TMSB15B: variants seen among roughly 807,000 people sequenced by gnomAD.
TMSB15B encodes the protein thymosin beta-15B.
chrX:103,950,185 G>C lies in TMSB15B; in HGVS notation c.-720-11836G>C, dbSNP rs182076186. ...GAATGTGTCCAAGAGAGAATGGGAG[G>C]AGGAAAATTGAGGACATTGAATAGA... On this transcript the variant is annotated intron_variant, in intron 1 of 3. Transcript: ENST00000419165. 1.7e-3 allele frequency among the ~76,000 whole-genome samples: 192 copies of C among 111,419 alleles called. 1 individual carries two copies. Among genetic ancestry groups the C allele is most frequent in the African/African-American group, 6.1e-3 (186 of 30,659 alleles).
chrX:103,954,529 C>T lies in TMSB15B; in HGVS notation c.-720-7492C>T, dbSNP rs147160695. ...CACAGCAACTCCCCACATCACTCTG[C>T]GGGCACCTGTCTACATGGGTGGGTT... On this transcript the variant is annotated intron_variant, in intron 1 of 3. Coordinates refer to the TMSB15B transcript ENST00000419165. Among the ~76,000 whole-genome samples the T allele has an allele frequency of 6.6e-3, 734 of 111,853 alleles. 9 individuals are homozygous for T. Among genetic ancestry groups the T allele is most frequent in the African/African-American group, 0.022 (691 of 30,775 alleles).
At chrX:103,921,220 G>A (rs1946244613) in intron 1 of TMSB15B, among the ~76,000 whole-genome samples, 1 of 111,964 alleles carries the variant, frequency 8.9e-6, no homozygotes, top group Admixed American at 9.5e-5. Context: ...AGTGGTGGTG[G>A]AAGGTGGAAA....
intron 1 of TMSB15B, chrX:103,928,735 G>T: frequency 8.5e-7 from 1 of 1,170,389 alleles, no homozygotes; most frequent in South Asian, 1.8e-5. Flanking sequence ...TTGGGTTCCT[G>T]CCTTGGTGTC....
At chrX:103,946,813 T>C (rs1247663895) in intron 1 of TMSB15B, among the ~76,000 whole-genome samples, 2 of 111,645 alleles carry the variant, frequency 1.8e-5, no homozygotes, top group Non-Finnish European at 3.8e-5. Flanking sequence ...AATCATGTCC[T>C]CAGAGTAGAT....
intron 1 of TMSB15B, chrX:103,928,844 G>A: frequency 1.7e-6 from 2 of 1,202,381 alleles, no homozygotes; most frequent in South Asian, 1.8e-5. Context: ...AACATGCCAA[G>A]CCTGTGGGCC....
At chrX:103,923,338 C>G (rs1556318192) in intron 1 of TMSB15B, among the ~76,000 whole-genome samples, 1 of 111,963 alleles carries the variant, frequency 8.9e-6, no homozygotes, top group Admixed American at 9.5e-5. Context: ...GGTTTTAGGT[C>G]TAAAATTTAA....
intron 1 of TMSB15B, among the ~76,000 whole-genome samples, chrX:103,934,618 G>T (rs1352380394): frequency 4.5e-5 from 5 of 111,200 alleles, no homozygotes; most frequent in Non-Finnish European, 7.5e-5. Context: ...GTATTAGTTT[G>T]CTGAGAATGA....
chrX:103,930,091 G>T (rs1556319665), intron 1 of TMSB15B, among the ~76,000 whole-genome samples: 1 of 110,871 alleles, frequency 9.0e-6, no homozygotes, highest in East Asian at 2.8e-4. Context: ...GTCATTCAGA[G>T]CCATTCAAAA....
chrX:103,924,689 C>A (rs1226478331), intron 1 of TMSB15B, among the ~76,000 whole-genome samples: 1 of 111,355 alleles, frequency 9.0e-6, no homozygotes, highest in Non-Finnish European at 1.9e-5. Flanking sequence ...GAGAGATGTC[C>A]CCAATGAACA....
intron 1 of TMSB15B, among the ~76,000 whole-genome samples, chrX:103,927,725 C>A (rs2074972653): frequency 9.5e-6 from 1 of 105,045 alleles, no homozygotes; most frequent in Admixed American, 1.0e-4. Context: ...ATAGAATGCA[C>A]AGTTTTATGT....
intron 1 of TMSB15B, among the ~76,000 whole-genome samples, chrX:103,945,331 ATC>A (rs2075022839): frequency 8.9e-6 from 1 of 112,173 alleles, no homozygotes; most frequent in African/African-American, 3.2e-5. Context: ...GGGCAGCTGC[ATC>A]TGGTAGCTTC....
At chrX:103,946,514 A>G (rs1470987558) in intron 1 of TMSB15B, among the ~76,000 whole-genome samples, 1 of 112,533 alleles carries the variant, frequency 8.9e-6, no homozygotes, top group Non-Finnish European at 1.9e-5. Context: ...TTCTCAAATT[A>G]GTCCATAAAT....
intron 1 of TMSB15B, among the ~76,000 whole-genome samples, chrX:103,953,868 C>T (rs1397554787): frequency 9.0e-6 from 1 of 111,411 alleles, no homozygotes; most frequent in African/African-American, 3.3e-5. Context: ...TTGCTAACTT[C>T]GGGCTAACAA....
At position 103,922,475 on chromosome X, in the gene TMSB15B, C is replaced by T. The variant is rs144808477; in HGVS notation, c.-721+3183C>T. ...TGCAGTGTTTTGTTTTCTGTCCTTG[C>T]GACAGTTTGCTCAGAATGATGGTTT... On this transcript the variant is annotated intron_variant, in intron 1 of 3. Transcript: ENST00000419165. 8.3e-3 allele frequency among the ~76,000 whole-genome samples: 890 copies of T among 107,522 alleles called. 11 individuals are homozygous for T. Among genetic ancestry groups the T allele is most frequent in the African/African-American group, 0.029 (848 of 29,387 alleles). 93.4% of individuals were successfully genotyped at this position (107,522 alleles called of 115,157 possible). A position where few individuals can be genotyped will look rare whatever the true frequency, so the allele number is the denominator to read the frequency against.
intron 1 of TMSB15B, among the ~76,000 whole-genome samples, chrX:103,922,644 G>A (rs1556318030): frequency 9.0e-6 from 1 of 111,101 alleles, no homozygotes; most frequent in South Asian, 3.9e-4. Context: ...CTTTGCTATC[G>A]TGAATAGTGC....
intron 1 of TMSB15B, among the ~76,000 whole-genome samples, chrX:103,949,262 C>T (rs34710413): frequency 0.32 from 34,969 of 110,878 alleles, 4,877 homozygotes; most frequent in Middle Eastern, 0.54. Context: ...AAGTGGAATA[C>T]GGTGTCTTTG....
chrX:103,928,137 A>G, intron 1 of TMSB15B: 1 of 1,152,505 alleles, frequency 8.7e-7, no homozygotes, highest in Non-Finnish European at 1.2e-6. Context: ...GAGCTTCAGC[A>G]CAGAACACAA....
At chrX:103,947,279 T>C (rs2075027995) in intron 1 of TMSB15B, among the ~76,000 whole-genome samples, 1 of 111,559 alleles carries the variant, frequency 9.0e-6, no homozygotes, top group Non-Finnish European at 1.9e-5. Context: ...GAGGAGTATA[T>C]ACTGAAAGAT....
At chrX:103,925,333 T>C (rs1184073034) in intron 1 of TMSB15B, among the ~76,000 whole-genome samples, 13 of 112,390 alleles carry the variant, frequency 1.2e-4, no homozygotes, top group Non-Finnish European at 2.3e-4. Context: ...GAAAATACTT[T>C]GGAGAAACTT....
Sources: allele counts gnomAD v4.1 joint callset (sites outside exome capture counted in the v4.1 genomes callset), GRCh38; gene constraint gnomAD v4.1.1; transcripts MANE v1.5; gene names NCBI Gene and HGNC (gene_info 2026-07-23, HGNC 2026-07-21).